The following FMN1 variants were observed in gnomAD, a reference collection of about 807,000 sequenced individuals.
FMN1 encodes formin-1.
A neutral mutation model predicts 132.4 loss-of-function variants in FMN1; 110 were observed. The ratio of observed to expected loss-of-function variants is 0.83; its 90% confidence interval spans 0.71 to 0.97. The LOEUF is 0.97. FMN1 is among the 50% of genes least tolerant of loss of function. The probability of loss-of-function intolerance (pLI) is 0.00; values close to 1 mark genes in which losing one functional copy is unlikely to be tolerated. For synonymous variants in FMN1, 722 were observed against 651.7 expected, an observed-to-expected ratio of 1.11 and a Z score of -1.64; for missense variants, 1,792 against 1,705.3, an observed-to-expected ratio of 1.05 and a Z score of -0.90.
chr15:33,028,024 C>CA (rs2035761408), intron 6 of FMN1, among the ~76,000 whole-genome samples: 1 of 152,190 alleles, frequency 6.6e-6, no homozygotes, highest in African/African-American at 2.4e-5. Flanking sequence ...AAAATTTCTC[C>CA]ATGAGCCAGC....
At chr15:33,118,033 T>C (rs987325136) in intron 4 of FMN1, among the ~76,000 whole-genome samples, 7 of 152,178 alleles carry the variant, frequency 4.6e-5, no homozygotes, top group African/African-American at 1.7e-4. Context: ...GTGTTGTGAA[T>C]TTGCAAAAAT....
chr15:32,841,561 C>A (rs1258776), intron 17 of FMN1, among the ~76,000 whole-genome samples: 24,515 of 152,114 alleles, frequency 0.16, 2,615 homozygotes, highest in East Asian at 0.44. Flanking sequence ...TAGAAAACTG[C>A]AGCAAATGGG....
chr15:32,968,419 A>C (rs1343822944), intron 8 of FMN1, among the ~76,000 whole-genome samples: 1 of 152,212 alleles, frequency 6.6e-6, no homozygotes, highest in Non-Finnish European at 1.5e-5. Flanking sequence ...TGTTGGGGAA[A>C]GCTTTGGCTT....
chr15:32,856,557 C>G (rs959330958), intron 17 of FMN1, among the ~76,000 whole-genome samples: 1 of 152,178 alleles, frequency 6.6e-6, no homozygotes, highest in African/African-American at 2.4e-5. Flanking sequence ...CCCTAATTTT[C>G]CTATCTGAAA....
intron 10 of FMN1, among the ~76,000 whole-genome samples, chr15:32,921,683 T>C (rs1386031902): frequency 7.2e-6 from 1 of 138,256 alleles, no homozygotes; most frequent in African/African-American, 3.5e-5. Flanking sequence ...TTTTTTCTTT[T>C]TTTTTTTTTC....
At chr15:33,094,802 A>G (rs1382340505) in intron 4 of FMN1, among the ~76,000 whole-genome samples, 2 of 152,180 alleles carry the variant, frequency 1.3e-5, no homozygotes, top group Non-Finnish European at 2.9e-5. Context: ...AGACTAGGAA[A>G]CTTATGTGTG....
chr15:32,837,192 G>T, intron 17 of FMN1: 2 of 232,450 alleles, frequency 8.6e-6, no homozygotes, highest in South Asian at 7.8e-5. Context: ...CTTTATCCAG[G>T]ACGGGAAGCT....
intron 6 of FMN1, among the ~76,000 whole-genome samples, chr15:33,019,024 C>G (rs536591970): frequency 3.9e-5 from 6 of 152,304 alleles, no homozygotes; most frequent in South Asian, 4.1e-4. Flanking sequence ...AAGCTTCCAC[C>G]ATGCGGAAGA....
chr15:32,970,293 TAC>T (rs1245518311), intron 7 of FMN1, among the ~76,000 whole-genome samples: 1 of 152,230 alleles, frequency 6.6e-6, no homozygotes, highest in Non-Finnish European at 1.5e-5. Flanking sequence ...TTCATCCTAT[TAC>T]AGTTAATTGG....
intron 14 of FMN1, 146 bp from the exon 15 acceptor site, chr15:32,899,039 C>T (rs893367905): frequency 1.2e-5 from 7 of 600,210 alleles, no homozygotes; most frequent in Non-Finnish European, 2.1e-5. Flanking sequence ...CCTTCCTCTG[C>T]TTTATCCCAT....
intron 7 of FMN1, among the ~76,000 whole-genome samples, chr15:32,986,830 T>C (rs528993662): frequency 6.6e-6 from 1 of 152,296 alleles, no homozygotes; most frequent in African/African-American, 2.4e-5. Context: ...TTGATTGATA[T>C]TCATCTCCAT....
At chr15:32,894,782 T>C (rs1052213209) in intron 15 of FMN1, among the ~76,000 whole-genome samples, 3 of 141,160 alleles carry the variant, frequency 2.1e-5, no homozygotes, top group African/African-American at 7.6e-5. Flanking sequence ...AGAAGACAGT[T>C]AAAAAAAAAA....
At chr15:32,927,365 T>C (rs1596291292) in intron 9 of FMN1, among the ~76,000 whole-genome samples, 1 of 152,150 alleles carries the variant, frequency 6.6e-6, no homozygotes, top group Non-Finnish European at 1.5e-5. Context: ...CAAGGGATCC[T>C]TGCACCCTCA....
chr15:32,969,436 A>T lies in FMN1; in HGVS notation c.2265T>A (p.His755Gln). 6.2e-7 allele frequency: 1 copy of T among 1,613,956 alleles called. No homozygotes were observed. Among genetic ancestry groups the T allele is most frequent in the South Asian group, 1.1e-5 (1 of 91,084 alleles). The change falls in exon 8 of 21, where the codon CAT (histidine) becomes CAA (glutamine). Residue 755 changes from histidine (H) to glutamine (Q), a missense_variant. By Grantham distance (24) the His-to-Gln change is conservative. Transcript: ENST00000616417. ...ELRAFHIRGE[H>Q]AMITARLEET... The stretch of plus-strand genomic sequence containing the variant: ...CTTCTAGTCTCGCTGTTATCATTGC[A>T]TGCTCGCCCCGGATATGAAATGCCC...
chr15:32,887,255 G>A (rs887876438), intron 16 of FMN1, among the ~76,000 whole-genome samples: 1 of 152,034 alleles, frequency 6.6e-6, no homozygotes, highest in Non-Finnish European at 1.5e-5. Flanking sequence ...CCTGGTTGAA[G>A]CCCTTCATTT....
intron 4 of FMN1, among the ~76,000 whole-genome samples, chr15:33,114,401 A>G (rs2039832009): frequency 6.6e-6 from 1 of 152,244 alleles, no homozygotes; most frequent in Admixed American, 6.5e-5. Flanking sequence ...ATATGCAGAA[A>G]TGATAAAAAT....
intron 4 of FMN1, chr15:33,149,895 G>A: frequency 1.0e-6 from 1 of 983,918 alleles, no homozygotes; most frequent in Non-Finnish European, 1.2e-6. Context: ...TTTGACAGTA[G>A]TATTAGGGGT....
In FMN1 at chr15:32,771,140, GCT is replaced by G. The variant is rs2056225654; in HGVS notation, c.*3168_*3169del. ...GTCGCCCAGGCTGGAGTGCAGTGGT[GCT>G]ATCTCGGCTAGCTGCAAGCTCCACC... On this transcript the variant is annotated 3_prime_UTR_variant, in exon 21 of 21. Transcript: ENST00000616417. 2.0e-5 allele frequency: 3 copies of G among 149,966 alleles called. No homozygotes were observed. The highest frequency in any genetic ancestry group is 4.2e-4 in the South Asian group (2 of 4,732). 9.3% of individuals were successfully genotyped at this position (149,966 alleles called of 1,614,324 possible).
At chr15:32,918,635 A>G (rs1326673053) in intron 10 of FMN1, among the ~76,000 whole-genome samples, 1 of 152,202 alleles carries the variant, frequency 6.6e-6, no homozygotes, top group Non-Finnish European at 1.5e-5. Flanking sequence ...ACCTCAAAGA[A>G]GGGCACAGGG....
Sources: gnomAD v4.1 joint callset for allele counts (sites outside exome capture counted in the v4.1 genomes callset) on GRCh38, gnomAD v4.1.1 for gene constraint, MANE v1.5 for transcripts, NCBI Gene and HGNC (gene_info 2026-07-23, HGNC 2026-07-21) for gene names.